TRIM2: variants seen among roughly 807,000 people sequenced by gnomAD.
TRIM2 encodes tripartite motif-containing protein 2.
Under a neutral mutation model 75.2 loss-of-function variants are expected in TRIM2, and 20 were observed. The ratio of observed to expected loss-of-function variants is 0.27; its 90% confidence interval spans 0.19 to 0.39. The LOEUF is 0.39. Among genes scored for constraint, TRIM2 ranks in the 10% least tolerant of loss-of-function variants. The pLI is 1.00. For synonymous variants in TRIM2, 373 were observed against 388.3 expected, an observed-to-expected ratio of 0.96 and a Z score of 0.46; for missense variants, 660 against 990.8, an observed-to-expected ratio of 0.67 and a Z score of 4.48.
At chr4:153,256,742 C>A (rs1399826530) in intron 1 of TRIM2, among the ~76,000 whole-genome samples, 1 of 152,122 alleles carries the variant, frequency 6.6e-6, no homozygotes, top group East Asian at 1.9e-4. Flanking sequence ...GTCTGGTTAT[C>A]CCCGAATCAA....
intron 6 of TRIM2, chr4:153,308,498 A>G: frequency 1.3e-6 from 1 of 763,420 alleles, no homozygotes; most frequent in South Asian, 1.3e-5. Context: ...GATAAGGCTG[A>G]CTTAAGTGCT....
chr4:153,231,862 T>G (rs1743732573), intron 1 of TRIM2, among the ~76,000 whole-genome samples: 1 of 151,546 alleles, frequency 6.6e-6, no homozygotes, highest in Non-Finnish European at 1.5e-5. Context: ...CATTTTAACT[T>G]GATTACCTCC....
intron 1 of TRIM2, among the ~76,000 whole-genome samples, chr4:153,194,730 A>G (rs1560801044): frequency 6.6e-6 from 1 of 152,168 alleles, no homozygotes; most frequent in African/African-American, 2.4e-5. Context: ...TGTTTTCCCA[A>G]GGTTTTTAAG....
At chr4:153,244,355 C>CTTCCTCCTCT in intron 1 of TRIM2, among the ~76,000 whole-genome samples, 1 of 12,714 alleles carries the variant, frequency 7.9e-5, no homozygotes, top group Non-Finnish European at 1.3e-4. Context: ...CTTCTTCTTC[C>CTTCCTCCTCT]TCTTCTTCTT....
At chr4:153,312,059 A>T (rs1451563394) in intron 6 of TRIM2, among the ~76,000 whole-genome samples, 4 of 95,744 alleles carry the variant, frequency 4.2e-5, no homozygotes, top group South Asian at 4.7e-4. Flanking sequence ...TGCTATCCCT[A>T]CCCCCTCCCC....
intron 2 of TRIM2, among the ~76,000 whole-genome samples, chr4:153,275,591 A>T (rs1265402495): frequency 6.6e-6 from 1 of 152,248 alleles, no homozygotes; most frequent in East Asian, 1.9e-4. Flanking sequence ...CTGCATTTCT[A>T]CCAAATGCAC....
rs755403214 is a variant in TRIM2, at chr4:153,295,466, C to G, written c.940C>G (p.Gln314Glu). The change falls in exon 6 of 12, where the codon CAG becomes GAG. Residue 314 changes from glutamine to glutamate, a missense_variant. Transcript: ENST00000338700. This position sits in a 1 kb window ranked among gnomAD's most constrained non-coding sequence, Gnocchi z 7.2. ...CGAGAAGCTGAACGAGCTGGCCGACCAGGACTTCCCCTTGCACCCGCGGGA... is the reference window on the plus strand; with the variant it reads ...CGAGAAGCTGAACGAGCTGGCCGACGAGGACTTCCCCTTGCACCCGCGGGA... ...MSEKLNELAD[Q>E]DFPLHPREND... 1.9e-6 allele frequency: 3 copies of G among 1,614,222 alleles called. No homozygotes were observed. The highest frequency in any genetic ancestry group is 3.3e-5 in the Admixed American group (2 of 60,034).
intron 10 of TRIM2, among the ~76,000 whole-genome samples, chr4:153,326,967 A>G: frequency 7.1e-6 from 1 of 141,726 alleles, no homozygotes; most frequent in African/African-American, 2.7e-5. Flanking sequence ...GTGACAGAAT[A>G]AGACTCCATC....
Position 153,335,341 on chromosome 4 carries a change from G to T in TRIM2, c.*375G>T. 4.0e-6 allele frequency: 4 copies of T among 993,004 alleles called. No individual in the cohort carries two copies. Among genetic ancestry groups the T allele is most frequent in the Non-Finnish European group, 4.8e-6 (4 of 835,232 alleles). The allele number at this position is 993,004 out of a possible 1,614,324, so 61.5% of individuals were successfully genotyped here. A position where few individuals can be genotyped will look rare whatever the true frequency, so the allele number is the denominator to read the frequency against. ...TAGCTTTTGCACAGAACTTCCAAAA[G>T]CAAAACAAAAACAAAATCTATTGTA... is the stretch of plus-strand genomic sequence containing the variant. On this transcript the variant is annotated 3_prime_UTR_variant, in exon 12 of 12. Transcript: ENST00000338700.
At chr4:153,285,318 C>CTGGCATCAAAATCA (rs1315811359) in intron 3 of TRIM2, among the ~76,000 whole-genome samples, 1 of 152,150 alleles carries the variant, frequency 6.6e-6, no homozygotes, top group Non-Finnish European at 1.5e-5. Context: ...GCCAGTACTA[C>CTGGCATCAAAATCA]ATTGTTTTGA....
chr4:153,299,368 T>TAC (rs945192891), intron 6 of TRIM2, among the ~76,000 whole-genome samples: 1 of 152,136 alleles, frequency 6.6e-6, no homozygotes, highest in African/African-American at 2.4e-5. Context: ...TATATATATA[T>TAC]ACACACAGTG....
At chr4:153,239,646 C>G (rs1326646930) in intron 1 of TRIM2, among the ~76,000 whole-genome samples, 1 of 152,060 alleles carries the variant, frequency 6.6e-6, no homozygotes, top group Non-Finnish European at 1.5e-5. Flanking sequence ...AAGTAAGTGG[C>G]CTGCACCAGG....
At chr4:153,153,792 G>C (rs955207070) in intron 1 of TRIM2, among the ~76,000 whole-genome samples, 7 of 152,208 alleles carry the variant, frequency 4.6e-5, no homozygotes, top group African/African-American at 1.7e-4. Context: ...CCCGGAGGGG[G>C]CGCGTCTGGG....
chr4:153,159,848 T>C lies in TRIM2; in HGVS notation c.-49+6578T>C, dbSNP rs1729583926. Among the ~76,000 whole-genome samples, 3 of 152,222 alleles carry C rather than the reference T, an allele frequency of 2.0e-5. No homozygotes were observed. In the South Asian group the frequency reaches 6.2e-4, roughly 31 times the overall value. On this transcript the variant is annotated intron_variant, in intron 1 of 11. Coordinates refer to the TRIM2 transcript ENST00000437508. ...CCGAGTTTAATTATGTAATAAGCTA[T>C]GCCTACTATTTGATGCCACGAGAAA...
chr4:153,230,342 G>A (rs903522503), intron 1 of TRIM2, among the ~76,000 whole-genome samples: 40 of 152,198 alleles, frequency 2.6e-4, no homozygotes, highest in African/African-American at 9.4e-4. Flanking sequence ...CACCATGACT[G>A]GCTACTTTTT....
At chr4:153,292,148 A>G (rs2150129948) in intron 3 of TRIM2, among the ~76,000 whole-genome samples, 1 of 151,966 alleles carries the variant, frequency 6.6e-6, no homozygotes. Flanking sequence ...TGCTTTTTTC[A>G]CTCTCGTTCT....
At chr4:153,303,123 T>G (rs1357498513) in intron 6 of TRIM2, among the ~76,000 whole-genome samples, 4 of 152,154 alleles carry the variant, frequency 2.6e-5, no homozygotes, top group Non-Finnish European at 5.9e-5. Flanking sequence ...CTTTTCAACA[T>G]CCATACCTTT....
intron 3 of TRIM2, among the ~76,000 whole-genome samples, chr4:153,281,863 A>C (rs1222759125): frequency 6.6e-6 from 1 of 152,244 alleles, no homozygotes; most frequent in Non-Finnish European, 1.5e-5. Flanking sequence ...AATGATCATT[A>C]AACCCTGTTA....
rs149520948 is a variant in TRIM2 at position 153,308,097 on chromosome 4, G to T, written c.1511-7388G>T. The T allele has an allele frequency of 2.0e-3, 1,704 of 872,180 alleles. 21 individuals are homozygous for T. The highest frequency in any genetic ancestry group is 0.017 in the African/African-American group (1,019 of 60,584). 54.0% of individuals were successfully genotyped at this position (872,180 alleles called of 1,614,324 possible). A position where few individuals can be genotyped will look rare whatever the true frequency, so the allele number is the denominator to read the frequency against. On this transcript the variant is annotated intron_variant, in intron 6 of 11. Coordinates refer to ENST00000338700, the MANE Select transcript of TRIM2 (RefSeq NM_015271.5). Reference sequence around the variant, plus strand: ...CCTATCAAATACTTTCTGGAAGTGGGACATGCTCCGCTCGGTCATGACGCT... The same window carrying T: ...CCTATCAAATACTTTCTGGAAGTGGTACATGCTCCGCTCGGTCATGACGCT...
Sources: gnomAD v4.1 joint callset for allele counts (sites outside exome capture counted in the v4.1 genomes callset) on GRCh38, gnomAD v4.1.1 for gene constraint, Gnocchi (gnomAD v3.1) non-coding constraint, MANE v1.5 for transcripts, NCBI Gene and HGNC (gene_info 2026-07-23, HGNC 2026-07-21) for gene names.